The following SETBP1 variants were observed in gnomAD, a reference collection of about 807,000 sequenced individuals.
SETBP1 encodes the protein SET binding protein 1.
SETBP1 carries 9 observed loss-of-function variants against 101.0 expected under a neutral mutation model. That is an observed-to-expected ratio of 0.09 (90% CI 0.05 to 0.16). The LOEUF (loss-of-function observed/expected upper bound fraction) is 0.16, where lower values mean the gene tolerates loss of function less well. Ranked by LOEUF, SETBP1 falls within the 10% of genes least tolerant of loss-of-function variation. The pLI is 1.00. For synonymous variants in SETBP1, 818 were observed against 788.5 expected (o/e 1.04, Z -0.63); for missense variants, 1,858 against 2,033.8 (o/e 0.91, Z 1.66).
At chr18:45,018,490 T>C (rs1335645378) in intron 4 of SETBP1, among the ~76,000 whole-genome samples, 1 of 152,214 alleles carries the variant, frequency 6.6e-6, no homozygotes, top group East Asian at 1.9e-4. Context: ...CTTGGAAACA[T>C]ATGAGAAGTA....
chr18:44,817,699 A>G (rs1472617577), intron 2 of SETBP1, among the ~76,000 whole-genome samples: 11 of 141,226 alleles, frequency 7.8e-5, no homozygotes, highest in African/African-American at 2.8e-4. Flanking sequence ...AAAAAAAAAG[A>G]AAAAAAAAAA....
At chr18:44,863,441 G>A (rs1168310549) in intron 2 of SETBP1, among the ~76,000 whole-genome samples, 1 of 152,224 alleles carries the variant, frequency 6.6e-6, no homozygotes, top group Non-Finnish European at 1.5e-5. Context: ...GCACACATAT[G>A]ATTAGATGTT....
At chr18:44,933,828 A>T (rs1568224743) in intron 3 of SETBP1, among the ~76,000 whole-genome samples, 1 of 152,004 alleles carries the variant, frequency 6.6e-6, no homozygotes, top group African/African-American at 2.4e-5. Flanking sequence ...GAGTGTCCCA[A>T]TTTTCCAGGT....
At chr18:44,683,899 G>A (rs1017818405) in intron 1 of SETBP1, among the ~76,000 whole-genome samples, 13 of 152,202 alleles carry the variant, frequency 8.5e-5, no homozygotes, top group African/African-American at 4.8e-5. Flanking sequence ...GAAGAATGGG[G>A]CAAATTATTA....
At chr18:44,801,157 G>A (rs2071599514) in intron 2 of SETBP1, among the ~76,000 whole-genome samples, 1 of 152,108 alleles carries the variant, frequency 6.6e-6, no homozygotes, top group South Asian at 2.1e-4. Context: ...GGGAGGGATA[G>A]CATTAGGAGA....
chr18:44,737,445 C>G (rs1414037459), intron 2 of SETBP1, among the ~76,000 whole-genome samples: 1 of 152,200 alleles, frequency 6.6e-6, no homozygotes, highest in Non-Finnish European at 1.5e-5. Context: ...ACACACCCAA[C>G]TACTGATTTG....
At chr18:44,976,485 GC>G (rs2071991461) in intron 4 of SETBP1, among the ~76,000 whole-genome samples, 1 of 152,194 alleles carries the variant, frequency 6.6e-6, no homozygotes, top group Non-Finnish European at 1.5e-5. Flanking sequence ...GCCCTCATCC[GC>G]CCTGCTGTGC....
intron 2 of SETBP1, among the ~76,000 whole-genome samples, chr18:44,736,722 C>T (rs781652934): frequency 2.4e-4 from 36 of 152,294 alleles, no homozygotes; most frequent in Admixed American, 9.8e-4. Context: ...GAAGTTTCTA[C>T]GTACAGTTCT....
At chr18:44,706,465 A>G (rs1292022544) in intron 2 of SETBP1, among the ~76,000 whole-genome samples, 2 of 151,556 alleles carry the variant, frequency 1.3e-5, no homozygotes, top group Non-Finnish European at 2.9e-5. Context: ...GTGAATGCCT[A>G]TAATCCCAGC....
intron 3 of SETBP1, among the ~76,000 whole-genome samples, chr18:44,921,525 G>T (rs1373192285): frequency 6.6e-6 from 1 of 152,230 alleles, no homozygotes; most frequent in Non-Finnish European, 1.5e-5. Context: ...TAGCGCACTG[G>T]GGGAGACCCA....
At chr18:44,850,143 C>G (rs1415739310) in intron 2 of SETBP1, among the ~76,000 whole-genome samples, 1 of 152,132 alleles carries the variant, frequency 6.6e-6, no homozygotes, top group East Asian at 1.9e-4. Context: ...AGCACTAAAT[C>G]AGTGATAAAA....
chr18:44,736,073 A>G (rs896376055), intron 2 of SETBP1, among the ~76,000 whole-genome samples: 5 of 152,168 alleles, frequency 3.3e-5, no homozygotes, highest in African/African-American at 9.6e-5. Context: ...AATAGCCACA[A>G]AGGGAAATGC....
intron 4 of SETBP1, among the ~76,000 whole-genome samples, chr18:45,018,545 A>C (rs2072995614): frequency 6.6e-6 from 1 of 152,222 alleles, no homozygotes; most frequent in Admixed American, 6.5e-5. Flanking sequence ...TCGTATTGGG[A>C]AGTCAGGATT....
chr18:44,761,660 G>A (rs1252079777), intron 2 of SETBP1, among the ~76,000 whole-genome samples: 1 of 152,168 alleles, frequency 6.6e-6, no homozygotes, highest in Admixed American at 6.5e-5. Context: ...TTGGATCTAT[G>A]TTGTTATGTC....
In SETBP1 at chr18:44,849,846, C is replaced by A. The variant is rs183503312; in HGVS notation, c.487-19384C>A. ...AGGAATAAACAAGATTTATATGATG[C>A]ACCTGGCACATGTGAACATTTATTA... On this transcript the variant is annotated intron_variant, in intron 2 of 5. Transcript: ENST00000649279. Among the ~76,000 whole-genome samples, 696 of 152,284 alleles carry A rather than the reference C, an allele frequency of 4.6e-3. 6 individuals are homozygous for A. Among genetic ancestry groups the A allele is most frequent in the African/African-American group, 0.016 (670 of 41,560 alleles).
At chr18:44,683,316 G>C (rs1467402210) in intron 1 of SETBP1, among the ~76,000 whole-genome samples, 2 of 152,202 alleles carry the variant, frequency 1.3e-5, no homozygotes, top group Non-Finnish European at 2.9e-5. Flanking sequence ...GCCTTGCTCA[G>C]AGTGAGCTAC....
chr18:44,862,831 T>G (rs140851593), intron 2 of SETBP1, among the ~76,000 whole-genome samples: 456 of 152,278 alleles, frequency 3.0e-3, no homozygotes, highest in African/African-American at 0.011. Flanking sequence ...TTCTCCAGCC[T>G]TGGGGTGAGA....
intron 2 of SETBP1, among the ~76,000 whole-genome samples, chr18:44,726,417 A>G (rs2069707869): frequency 6.6e-6 from 1 of 152,226 alleles, no homozygotes; most frequent in Non-Finnish European, 1.5e-5. Context: ...GCAAATGTAT[A>G]TGTAATCCTC....
intron 3 of SETBP1, among the ~76,000 whole-genome samples, chr18:44,899,300 C>T (rs1053799981): frequency 2.6e-5 from 4 of 152,084 alleles, no homozygotes; most frequent in Non-Finnish European, 4.4e-5. Context: ...TCACATTTGT[C>T]GAGTAATTTC....
Sources: allele counts gnomAD v4.1 joint callset (sites outside exome capture counted in the v4.1 genomes callset), GRCh38; gene constraint gnomAD v4.1.1; transcripts MANE v1.5; gene names NCBI Gene and HGNC (gene_info 2026-07-23, HGNC 2026-07-21).